Variants in WTAP observed in about 807,000 individuals in gnomAD.
WTAP encodes pre-mRNA-splicing regulator WTAP.
Under a neutral mutation model 50.0 loss-of-function variants are expected in WTAP, and 8 were observed. The ratio of observed to expected loss-of-function variants is 0.16; its 90% CI spans 0.09 to 0.29. The LOEUF is 0.29. WTAP is among the 10% of genes least tolerant of loss of function. WTAP has a pLI of 1.00. For missense variants in WTAP, 295 were observed against 470.7 expected, an observed-to-expected ratio of 0.63 and a Z score of 3.45; for synonymous variants, 194 against 169.0, an observed-to-expected ratio of 1.15 and a Z score of -1.15.
At chr6:159,732,974 A>G (rs1778681274) in intron 1 of WTAP, among the ~76,000 whole-genome samples, 1 of 151,726 alleles carries the variant, frequency 6.6e-6, no homozygotes, top group African/African-American at 2.4e-5. Flanking sequence ...GCCAGATTTG[A>G]TATCTGGGTT....
Position 159,754,242 on chromosome 6 carries a change from T to C in WTAP, c.607+628T>C, listed in dbSNP as rs538077988. ...GATGATCAGTAGCCAAGTAATTTCT[T>C]CTGAACTACCTACCTTTTCAAAATC... On this transcript the variant is annotated intron_variant, in intron 7 of 7. Coordinates refer to ENST00000621533, the MANE Select transcript of WTAP (RefSeq NM_001270531.2). 4.6e-5 allele frequency among the ~76,000 whole-genome samples: 7 copies of C among 152,336 alleles called. No individual in the cohort carries two copies. The South Asian group carries it at 1.0e-3, about 23-fold the overall frequency.
At chr6:159,728,361 C>A (rs1036785998) in intron 1 of WTAP, among the ~76,000 whole-genome samples, 1 of 151,764 alleles carries the variant, frequency 6.6e-6, no homozygotes, top group Non-Finnish European at 1.5e-5. Flanking sequence ...GTTGTTTGAT[C>A]CCAAAGGATT....
At chr6:159,740,271 TAATA>T (rs1211847953) in intron 3 of WTAP, among the ~76,000 whole-genome samples, 1 of 152,218 alleles carries the variant, frequency 6.6e-6, no homozygotes, top group Non-Finnish European at 1.5e-5. Flanking sequence ...TCAGTAATCT[TAATA>T]AAGAATCATA....
chr6:159,748,540 G>C lies in WTAP; in HGVS notation c.452+171G>C. ...GTAATGGTTAATGTAAAACTTACCA[G>C]ATGAACCTTGTGTTTCAGCTTTTTT... On this transcript the variant is annotated intron_variant, in intron 6 of 7. Transcript: ENST00000621533. The surrounding 1 kb of genome is among the most constrained non-coding windows in gnomAD (Gnocchi z 5.6). 7.3e-7 allele frequency: 1 copy of C among 1,372,202 alleles called. No homozygotes were observed. The highest frequency in any genetic ancestry group is 9.5e-7 in the Non-Finnish European group (1 of 1,058,178). 85.0% of individuals were successfully genotyped at this position (1,372,202 alleles called of 1,614,324 possible). A position where few individuals can be genotyped will look rare whatever the true frequency, so the allele number is the denominator to read the frequency against.
Position 159,755,533 on chromosome 6 carries a change from A to C in WTAP, c.1113A>C (p.Lys371Asn). The change falls in exon 8 of 8, where the codon AAA becomes AAC. Residue 371 changes from lysine to asparagine, a missense_variant. Around this residue, in one of 2 missense-constraint regions of WTAP, gnomAD observed 175 missense variants for 183.1 expected, o/e 0.96. Coordinates refer to ENST00000621533, the MANE Select transcript of WTAP (RefSeq NM_001270531.2). Reference protein sequence around the residue: ...DPQEEKAVSGKGNRTVGSRHV... With the variant: ...DPQEEKAVSGNGNRTVGSRHV... ...AAGAGGAGAAAGCAGTGAGTGGGAA[A>C]GGTAATCGAACTGTGGGTTCCCGCC... The C allele has an allele frequency of 6.2e-7, 1 of 1,614,202 alleles. No homozygotes were observed. Among genetic ancestry groups the C allele is most frequent in the Non-Finnish European group, 8.5e-7 (1 of 1,180,036 alleles).
In WTAP at chr6:159,727,594, C is replaced by T. The variant is rs1778270242; in HGVS notation, c.-118C>T. ...GGGACTAGGAGCGCGGCGGGGCCGG[C>T]GGCAGAGCTGTCCGGCTGCGCGGTG... On this transcript the variant is annotated 5_prime_UTR_variant, in exon 1 of 8. Transcript: ENST00000621533. 5 of 986,512 alleles carry T rather than the reference C, an allele frequency of 5.1e-6. No homozygotes were observed. Among genetic ancestry groups the T allele is most frequent in the African/African-American group, 1.8e-5 (1 of 57,140 alleles). The allele number at this position is 986,512 out of a possible 1,614,324, so 61.1% of individuals were successfully genotyped here. A position where few individuals can be genotyped will look rare whatever the true frequency, so the allele number is the denominator to read the frequency against.
At chr6:159,732,843 T>C (rs1009327612) in intron 1 of WTAP, among the ~76,000 whole-genome samples, 4 of 139,324 alleles carry the variant, frequency 2.9e-5, no homozygotes, top group Non-Finnish European at 6.1e-5. Context: ...TGTCTCTGTC[T>C]GCTTCTTTCT....
chr6:159,735,233 C>G (rs894223460), intron 1 of WTAP, among the ~76,000 whole-genome samples: 41 of 152,234 alleles, frequency 2.7e-4, no homozygotes, highest in Admixed American at 1.9e-3. Flanking sequence ...CTCCGCCTCC[C>G]AGGTTCAGGC....
intron 4 of WTAP, among the ~76,000 whole-genome samples, chr6:159,743,244 A>G (rs1779369393): frequency 6.6e-6 from 1 of 152,052 alleles, no homozygotes; most frequent in Non-Finnish European, 1.5e-5. Flanking sequence ...ACGGTGTTTC[A>G]CCGTGTTGGT....
At chr6:159,737,718 C>T (rs1779006944) in intron 2 of WTAP, among the ~76,000 whole-genome samples, 1 of 152,016 alleles carries the variant, frequency 6.6e-6, no homozygotes, top group African/African-American at 2.4e-5. Flanking sequence ...TCTTGAACTC[C>T]CGAGTTCAAG....
At position 159,753,632 on chromosome 6, in the gene WTAP, T is replaced by C. The variant is rs41267781; in HGVS notation, c.607+18T>C. The C allele has an allele frequency of 1.1e-3, 1,760 of 1,587,378 alleles. 2 individuals carry two copies. The highest frequency in any genetic ancestry group is 1.4e-3 in the Non-Finnish European group (1,644 of 1,167,280). ...TCAGGATGGTAAGGGGTTTGTTTCT[T>C]TTTGGAACGTTGTCTCAACTTTGCA... On this transcript the variant is annotated intron_variant, in intron 7 of 7. Coordinates refer to ENST00000621533, the MANE Select transcript of WTAP (RefSeq NM_001270531.2).
rs759472508 is a variant in WTAP, at chr6:159,743,735, G to A, written c.216G>A (p.Arg72=). The A allele has an allele frequency of 1.9e-6, 3 of 1,613,392 alleles. No individual in the cohort carries two copies. In the Admixed American group the frequency reaches 5.0e-5, roughly 27 times the overall value. ...LKQQQQESAR[R]ENILVMRLAT... is the part of the protein sequence containing the mutation. ...AACAACAGCAGGAGTCTGCACGCAG[G>A]GAAAACATCCTTGTAATGCGACTAG... The change falls in exon 5 of 8, where the codon AGG becomes AGA. Residue 72 remains arginine (R), a synonymous_variant. Coordinates refer to ENST00000621533, the MANE Select transcript of WTAP (RefSeq NM_001270531.2).
intron 2 of WTAP, among the ~76,000 whole-genome samples, chr6:159,738,489 A>G (rs1779053097): frequency 6.6e-6 from 1 of 152,198 alleles, no homozygotes; most frequent in Non-Finnish European, 1.5e-5. Context: ...TGCCTGTTAA[A>G]GGACATTTGG....
At chr6:159,744,497 T>C (rs373900890) in intron 5 of WTAP, among the ~76,000 whole-genome samples, 2 of 149,560 alleles carry the variant, frequency 1.3e-5, no homozygotes, top group South Asian at 2.2e-4. Flanking sequence ...TTCTGGTCAT[T>C]GGAGACACCA....
At chr6:159,729,623 C>G (rs1253010036) in intron 1 of WTAP, among the ~76,000 whole-genome samples, 1 of 152,176 alleles carries the variant, frequency 6.6e-6, no homozygotes, top group Non-Finnish European at 1.5e-5. Flanking sequence ...ATTTGCAGCA[C>G]TTTGTGAGAC....
Position 159,727,629 on chromosome 6 carries a change from G to A in WTAP, c.-83G>A. On this transcript the variant is annotated 5_prime_UTR_variant, in exon 1 of 8. Transcript: ENST00000621533. ...GTCCGGCTGCGCGGTGGCCCGGGGG[G>A]CCCGGGCGGCAGGGCAAGCAGCGCG... 1.0e-6 allele frequency: 1 copy of A among 986,184 alleles called. No individual in the cohort carries two copies. Among genetic ancestry groups the A allele is most frequent in the Non-Finnish European group, 1.2e-6 (1 of 830,630 alleles). The allele number at this position is 986,184 out of a possible 1,614,324, so 61.1% of individuals were successfully genotyped here. A position where few individuals can be genotyped will look rare whatever the true frequency, so the allele number is the denominator to read the frequency against.
At chr6:159,734,188 GT>G (rs1422460814) in intron 1 of WTAP, among the ~76,000 whole-genome samples, 3 of 151,758 alleles carry the variant, frequency 2.0e-5, no homozygotes, top group African/African-American at 7.3e-5. Flanking sequence ...TTGTTTGTTT[GT>G]TTTAATGAGA....
chr6:159,738,791 AATG>A (rs953700242), intron 2 of WTAP, among the ~76,000 whole-genome samples, 196 bp from the exon 3 acceptor site: 1 of 152,058 alleles, frequency 6.6e-6, no homozygotes, highest in African/African-American at 2.4e-5. Flanking sequence ...GCATTTTCCT[AATG>A]ATGATGCCCA....
At position 159,748,804 on chromosome 6, in the gene WTAP, A is replaced by G. The variant is rs1480733447; in HGVS notation, c.452+435A>G. ...AATTGAACATGTAAAATTCCAGTAA[A>G]ATGTAAAAACGGAATATGCATCGCT... On this transcript the variant is annotated intron_variant, in intron 6 of 7. Coordinates refer to ENST00000621533, the MANE Select transcript of WTAP (RefSeq NM_001270531.2). This position sits in a 1 kb window ranked among gnomAD's most constrained non-coding sequence, Gnocchi z 5.6. The G allele has an allele frequency of 8.1e-7, 1 of 1,232,376 alleles. No individual in the cohort carries two copies. Among genetic ancestry groups the G allele is most frequent in the African/African-American group, 1.6e-5 (1 of 64,384 alleles). 76.3% of individuals were successfully genotyped at this position (1,232,376 alleles called of 1,614,324 possible).
Sources: gnomAD v4.1 joint callset for allele counts (sites outside exome capture counted in the v4.1 genomes callset) on GRCh38, gnomAD v4.1.1 for gene constraint, gnomAD v4.1.1 regional missense constraint, Gnocchi (gnomAD v3.1) non-coding constraint, MANE v1.5 for transcripts, NCBI Gene and HGNC (gene_info 2026-07-23, HGNC 2026-07-21) for gene names.